Variants in FER observed in about 807,000 individuals in gnomAD.
FER encodes FER tyrosine kinase.
In FER, 63 loss-of-function variants were observed where a neutral mutation model predicts 111.0. The ratio of observed to expected loss-of-function variants is 0.57; its 90% CI spans 0.46 to 0.70. The LOEUF (loss-of-function observed/expected upper bound fraction) is 0.70, where lower values mean the gene tolerates loss of function less well. Among genes scored for constraint, FER ranks in the 30% least tolerant of loss-of-function variants. The probability of loss-of-function intolerance (pLI) is 0.00; values close to 1 mark genes in which losing one functional copy is unlikely to be tolerated. For synonymous variants in FER, 327 were observed against 313.9 expected (o/e 1.04, Z -0.44); for missense variants, 914 against 954.0 (o/e 0.96, Z 0.55).
intron 10 of FER, among the ~76,000 whole-genome samples, chr5:108,908,705 A>G (rs1474223401): frequency 6.8e-6 from 1 of 146,908 alleles, no homozygotes; most frequent in Admixed American, 7.0e-5. Context: ...TGGGCGAGTG[A>G]GCGAGACTCC....
At chr5:109,095,021 A>G (rs1385145982) in intron 16 of FER, among the ~76,000 whole-genome samples, 1 of 152,030 alleles carries the variant, frequency 6.6e-6, no homozygotes, top group Non-Finnish European at 1.5e-5. Flanking sequence ...GTACTCTTTT[A>G]TTTTACAGAA....
At chr5:108,998,894 G>A (rs1299352555) in intron 13 of FER, among the ~76,000 whole-genome samples, 2 of 151,890 alleles carry the variant, frequency 1.3e-5, no homozygotes, top group Non-Finnish European at 2.9e-5. Flanking sequence ...CGATGTTAAA[G>A]TGATTTATAT....
chr5:109,157,533 T>C (rs996601357), intron 17 of FER, among the ~76,000 whole-genome samples: 5 of 151,980 alleles, frequency 3.3e-5, no homozygotes, highest in Non-Finnish European at 7.4e-5. Context: ...TTTTCTGATA[T>C]CGAGCATTTC....
chr5:108,762,735 C>T (rs549802318), intron 1 of FER, among the ~76,000 whole-genome samples: 2 of 152,262 alleles, frequency 1.3e-5, no homozygotes, highest in African/African-American at 4.8e-5. Context: ...CTATTTTCTC[C>T]ACCATTCACT....
intron 17 of FER, among the ~76,000 whole-genome samples, chr5:109,162,031 TTGG>T (rs1756045241): frequency 1.3e-5 from 2 of 152,178 alleles, no homozygotes; most frequent in South Asian, 4.1e-4. Context: ...CATATGCTTG[TTGG>T]CCATATGTAT....
intron 13 of FER, among the ~76,000 whole-genome samples, chr5:109,013,377 A>C (rs1050573183): frequency 1.3e-5 from 2 of 151,134 alleles, no homozygotes; most frequent in South Asian, 4.2e-4. Context: ...ATGATTTCCA[A>C]TTTCATCCAT....
intron 3 of FER, among the ~76,000 whole-genome samples, chr5:108,819,033 A>G (rs2150097988): frequency 1.3e-5 from 2 of 152,126 alleles, no homozygotes; most frequent in East Asian, 3.9e-4. Flanking sequence ...TTTTATTTTT[A>G]GAAACAGGGT....
chr5:109,070,357 T>A (rs1581896998), intron 16 of FER, among the ~76,000 whole-genome samples: 3 of 152,084 alleles, frequency 2.0e-5, no homozygotes, highest in East Asian at 1.9e-4. Context: ...ACAGACTGAT[T>A]TGAGGAAACA....
chr5:109,131,916 A>C (rs982525569), intron 17 of FER, among the ~76,000 whole-genome samples: 29 of 152,140 alleles, frequency 1.9e-4, no homozygotes, highest in African/African-American at 6.8e-4. Context: ...TTGCTGTCAG[A>C]CAGATCCAGT....
chr5:108,790,589 A>G (rs1472467976), intron 2 of FER, among the ~76,000 whole-genome samples: 2 of 152,218 alleles, frequency 1.3e-5, no homozygotes, highest in Non-Finnish European at 2.9e-5. Flanking sequence ...TATTTTGGGG[A>G]AGCTTATGCT....
At chr5:109,005,049 C>T (rs1765320388) in intron 13 of FER, among the ~76,000 whole-genome samples, 2 of 151,926 alleles carry the variant, frequency 1.3e-5, no homozygotes, top group Non-Finnish European at 2.9e-5. Context: ...TACTATCCAT[C>T]CCTAGGGATA....
intron 10 of FER, among the ~76,000 whole-genome samples, chr5:108,944,752 A>G (rs960870740): frequency 1.3e-5 from 2 of 151,182 alleles, no homozygotes; most frequent in East Asian, 3.9e-4. Flanking sequence ...TATTAACCCT[A>G]TTTGCATTTT....
intron 13 of FER, among the ~76,000 whole-genome samples, chr5:109,024,613 C>T (rs1209355591): frequency 1.3e-5 from 2 of 152,120 alleles, no homozygotes; most frequent in South Asian, 2.1e-4. Flanking sequence ...AGGAAAAAGC[C>T]AGGAGTCTCA....
At chr5:108,992,987 C>T (rs544710409) in intron 13 of FER, among the ~76,000 whole-genome samples, 225 of 149,138 alleles carry the variant, frequency 1.5e-3, no homozygotes, top group Non-Finnish European at 2.6e-3. Context: ...GGATGGCGGC[C>T]GGGAAGAGGC....
intron 17 of FER, among the ~76,000 whole-genome samples, chr5:109,119,900 A>G (rs964335972): frequency 5.3e-5 from 8 of 151,822 alleles, no homozygotes; most frequent in Non-Finnish European, 8.8e-5. Context: ...TCATATGCCT[A>G]TTTGCCATTT....
chr5:109,064,892 A>C (rs1351262751), intron 16 of FER, among the ~76,000 whole-genome samples: 1 of 152,102 alleles, frequency 6.6e-6, no homozygotes, highest in Non-Finnish European at 1.5e-5. Flanking sequence ...GTAGGTGATA[A>C]TTTTTATATT....
chr5:108,799,612 ATGATTTG>A (rs1756410939), intron 3 of FER, among the ~76,000 whole-genome samples: 1 of 152,222 alleles, frequency 6.6e-6, no homozygotes. Flanking sequence ...TACATTAAAA[ATGATTTG>A]TTATTTATCT....
At chr5:108,768,636 A>G (rs576326473) in intron 2 of FER, among the ~76,000 whole-genome samples, 2 of 152,316 alleles carry the variant, frequency 1.3e-5, no homozygotes, top group Non-Finnish European at 2.9e-5. Context: ...ATTGTCTAAT[A>G]TAATCATATA....
intron 13 of FER, among the ~76,000 whole-genome samples, chr5:108,989,302 T>C (rs1055497635): frequency 2.0e-5 from 3 of 152,120 alleles, no homozygotes; most frequent in Non-Finnish European, 4.4e-5. Context: ...GCTGATCTGT[T>C]GGTCTTTCAG....
Sources: allele counts gnomAD v4.1 joint callset (sites outside exome capture counted in the v4.1 genomes callset), GRCh38; gene constraint gnomAD v4.1.1; transcripts MANE v1.5; gene names NCBI Gene and HGNC (gene_info 2026-07-23, HGNC 2026-07-21).